VPS37D: variants seen among roughly 807,000 people sequenced by gnomAD.
VPS37D encodes vacuolar protein sorting-associated protein 37D.
VPS37D carries 5 observed loss-of-function variants against 22.0 expected under a neutral mutation model. The ratio of observed to expected loss-of-function variants is 0.23; its 90% CI spans 0.12 to 0.48. VPS37D has a LOEUF of 0.48. VPS37D is among the 20% of genes least tolerant of loss of function. VPS37D has a pLI of 0.99. For synonymous variants in VPS37D, 174 were observed against 159.3 expected (o/e 1.09, Z -0.69); for missense variants, 384 against 345.8 (o/e 1.11, Z -0.88).
rs782471043 is a variant in VPS37D at position 73,668,048 on chromosome 7, G to T, written c.90G>T (p.Leu30=). The part of the protein sequence containing the change: ...GILSTGQLRD[L]LQDEPKLDRI... The stretch of plus-strand genomic sequence containing the variant: ...TCAGCACCGGGCAGCTCCGGGACCT[G>T]CTTCAGGATGAGCCCAAGCTGGACC... The change falls in exon 1 of 4, where the codon CTG becomes CTT. Residue 30 remains leucine, a synonymous_variant. Transcript: ENST00000324941. 1 of 1,170,300 alleles carries T rather than the reference G, an allele frequency of 8.5e-7. No individual in the cohort carries two copies. Among genetic ancestry groups the T allele is most frequent in the Non-Finnish European group, 1.1e-6 (1 of 936,830 alleles). The allele number at this position is 1,170,300 out of a possible 1,614,324, so 72.5% of individuals were successfully genotyped here.
intron 1 of VPS37D, 33 bp downstream of exon 1, chr7:73,668,129 G>A (rs1797424104): frequency 5.6e-6 from 6 of 1,072,014 alleles, no homozygotes; most frequent in Non-Finnish European, 6.8e-6. Context: ...GGGGCGCGGG[G>A]GACGGGCAGC....
At chr7:73,669,955 T>A in intron 2 of VPS37D, 65 bp from the exon 3 acceptor site, 1 of 1,549,792 alleles carries the variant, frequency 6.5e-7, no homozygotes, top group South Asian at 1.2e-5. Context: ...TCACATGGGG[T>A]CAGCGGGAGA....
chr7:73,670,193 C>T (rs1455082255), intron 3 of VPS37D, 91 bp downstream of exon 3: 2 of 1,536,324 alleles, frequency 1.3e-6, no homozygotes, highest in East Asian at 4.9e-5. Flanking sequence ...GGCTGGGGAG[C>T]CCCTCCTCTG....
chr7:73,671,348 C>A lies in VPS37D; in HGVS notation c.728C>A (p.Pro243His). The change falls in exon 4 of 4, where the codon CCC (proline) becomes CAC (histidine). Residue 243 changes from proline (P) to histidine (H), a missense_variant. Physicochemically the swap from Pro to His is moderately conservative, Grantham distance 77. Transcript: ENST00000324941. ...LGPAPLLSPRPSQPEPPHR is the reference protein window; with the variant it reads ...LGPAPLLSPRHSQPEPPHR ...CCGGCCCCCCTGCTGAGCCCTCGGC[C>A]CTCGCAGCCAGAGCCCCCCCACCGG... 7.3e-7 allele frequency: 1 copy of A among 1,378,230 alleles called. No homozygotes were observed. Among genetic ancestry groups the A allele is most frequent in the Non-Finnish European group, 9.4e-7 (1 of 1,068,452 alleles). The allele number at this position is 1,378,230 out of a possible 1,614,324, so 85.4% of individuals were successfully genotyped here. A position where few individuals can be genotyped will look rare whatever the true frequency, so the allele number is the denominator to read the frequency against.
At chr7:73,668,163 G>C in intron 1 of VPS37D, 67 bp downstream of exon 1, 11 of 995,216 alleles carry the variant, frequency 1.1e-5, no homozygotes, top group Non-Finnish European at 1.3e-5. Flanking sequence ...TGCCGCTCGA[G>C]GGAAGGGCCG....
intron 1 of VPS37D, among the ~76,000 whole-genome samples, chr7:73,668,319 C>T (rs1292825857): frequency 6.6e-6 from 1 of 151,682 alleles, no homozygotes; most frequent in Non-Finnish European, 1.5e-5. Flanking sequence ...GCCTGTGCAC[C>T]CCCAGGATGG....
At chr7:73,668,829 G>T (rs989174533) in intron 1 of VPS37D, among the ~76,000 whole-genome samples, 6 of 152,044 alleles carry the variant, frequency 3.9e-5, no homozygotes, top group Non-Finnish European at 5.9e-5. Context: ...GGAAAAGGGG[G>T]TGTGTATTCC....
chr7:73,671,148 G>GCAGAA lies in VPS37D; in HGVS notation c.529_530insAGAAC (p.Arg177GlnfsTer51). On this transcript the variant is annotated frameshift_variant, in exon 4 of 4. Coordinates refer to ENST00000324941, the MANE Select transcript of VPS37D (RefSeq NM_001077621.2). LOFTEE classifies it high-confidence loss of function. ...TGCAGGAGCTGCTGCGGCGTCGGGA[G>GCAGAA]CGTTCTGCCCAGCCGGCCCCCACCT... 6.2e-7 allele frequency: 1 copy of GCAGAA among 1,606,994 alleles called. No individual in the cohort carries two copies. The highest frequency in any genetic ancestry group is 8.5e-7 in the Non-Finnish European group (1 of 1,178,860).
In VPS37D at chr7:73,671,475, T is replaced by TC; in HGVS notation, c.*104dup. The TC allele has an allele frequency of 4.1e-6, 1 of 244,140 alleles. No individual in the cohort carries two copies. The highest frequency in any genetic ancestry group is 6.8e-6 in the Non-Finnish European group (1 of 147,000). The allele number at this position is 244,140 out of a possible 1,614,324, so 15.1% of individuals were successfully genotyped here. A position where few individuals can be genotyped will look rare whatever the true frequency, so the allele number is the denominator to read the frequency against. On this transcript the variant is annotated 3_prime_UTR_variant, in exon 4 of 4. Coordinates refer to ENST00000324941, the MANE Select transcript of VPS37D (RefSeq NM_001077621.2). Reference sequence around the variant, plus strand: ...CTGGGTGGGGGGAGGGGCAGGCCCCTCCCCCTGGCCTCAGGCAGGCCCTGG... The same window carrying TC: ...CTGGGTGGGGGGAGGGGCAGGCCCCTCCCCCCTGGCCTCAGGCAGGCCCTGG...
chr7:73,667,607 C>A (rs2116624834), upstream of VPS37D, among the ~76,000 whole-genome samples: 1 of 152,272 alleles, frequency 6.6e-6, no homozygotes, highest in East Asian at 1.9e-4. Flanking sequence ...GTGGGAGAGT[C>A]CGTGCCTGGG....
At chr7:73,667,196 G>T (rs552703922), upstream of VPS37D, among the ~76,000 whole-genome samples, 1 of 151,692 alleles carries the variant, frequency 6.6e-6, no homozygotes, top group South Asian at 2.1e-4. Context: ...GGATGGTCTC[G>T]ATCTCCTGAC....
In VPS37D at chr7:73,669,599, A is replaced by G; in HGVS notation, c.310+9A>G. On this transcript the variant is annotated intron_variant, in intron 2 of 3. Coordinates refer to ENST00000324941, the MANE Select transcript of VPS37D (RefSeq NM_001077621.2). Reference sequence around the variant, plus strand: ...CAAGCTGCAGCGACTGGGTGAGGGCACGTCTGGGAGAACCCCCTGGGGCTG... The same window carrying G: ...CAAGCTGCAGCGACTGGGTGAGGGCGCGTCTGGGAGAACCCCCTGGGGCTG... 1.3e-5 allele frequency: 20 copies of G among 1,583,100 alleles called. No homozygotes were observed. Among genetic ancestry groups the G allele is most frequent in the Non-Finnish European group, 1.7e-5 (20 of 1,163,750 alleles).
At chr7:73,666,584 A>C (rs567959653), upstream of VPS37D, among the ~76,000 whole-genome samples, 1 of 151,922 alleles carries the variant, frequency 6.6e-6, no homozygotes, top group East Asian at 1.9e-4. Context: ...GCCCACCACC[A>C]CGCCCGGCTA....
At chr7:73,668,160 C>T (rs1797424624) in intron 1 of VPS37D, 64 bp downstream of exon 1, 3 of 998,094 alleles carry the variant, frequency 3.0e-6, no homozygotes, top group South Asian at 4.6e-5. Flanking sequence ...ACCTGCCGCT[C>T]GAGGGAAGGG....
chr7:73,671,107 A>G lies in VPS37D; in HGVS notation c.487A>G (p.Thr163Ala), dbSNP rs782424249. 6.2e-7 allele frequency: 1 copy of G among 1,609,540 alleles called. No individual in the cohort carries two copies. The highest frequency in any genetic ancestry group is 1.3e-5 in the African/African-American group (1 of 74,868). Residue 163 changes from threonine to alanine, a missense_variant, in exon 4 of 4, where the codon ACG (threonine) becomes GCG (alanine). Thr to Ala is a moderately conservative substitution (Grantham distance 58). Coordinates refer to ENST00000324941, the MANE Select transcript of VPS37D (RefSeq NM_001077621.2). ...RGRALAHLRRTQAEKLQELLR... is the reference protein window; with the variant it reads ...RGRALAHLRRAQAEKLQELLR... ...CCGCGCCCTGGCCCACCTGAGGCGG[A>G]CGCAGGCAGAGAAGCTGCAGGAGCT...
Position 73,671,524 on chromosome 7 carries a change from A to G in VPS37D, c.*148A>G, listed in dbSNP as rs1181764668. The G allele has an allele frequency of 3.9e-5, 3 of 75,966 alleles. No individual in the cohort carries two copies. The highest frequency in any genetic ancestry group is 7.9e-4 in the East Asian group (2 of 2,538). 4.7% of individuals were successfully genotyped at this position (75,966 alleles called of 1,614,324 possible). On this transcript the variant is annotated 3_prime_UTR_variant, in exon 4 of 4. Transcript: ENST00000324941. ...GGCCCTGGAGGCTGAGCTGGGGAGG[A>G]GGGTCCCCTGGAAGAGGCCCGAGAG...
rs1159746987 is a variant in VPS37D, at chr7:73,671,656, A to G, written c.*280A>G. The G allele has an allele frequency of 5.6e-6, 1 of 179,616 alleles. No individual in the cohort carries two copies. Among genetic ancestry groups the G allele is most frequent in the Non-Finnish European group, 1.2e-5 (1 of 86,726 alleles). 11.1% of individuals were successfully genotyped at this position (179,616 alleles called of 1,614,324 possible). A position where few individuals can be genotyped will look rare whatever the true frequency, so the allele number is the denominator to read the frequency against. On this transcript the variant is annotated 3_prime_UTR_variant, in exon 4 of 4. Coordinates refer to ENST00000324941, the MANE Select transcript of VPS37D (RefSeq NM_001077621.2). ...TCTAGGGTGATGGACCAGCCCCGTT[A>G]AAGAACTTGACTCAACTACAGGGGC...
Position 73,667,995 on chromosome 7 carries a change from C to T in VPS37D, c.37C>T (p.Pro13Ser). 9.0e-7 allele frequency: 1 copy of T among 1,105,186 alleles called. No individual in the cohort carries two copies. The highest frequency in any genetic ancestry group is 1.1e-6 in the Non-Finnish European group (1 of 903,614). 68.5% of individuals were successfully genotyped at this position (1,105,186 alleles called of 1,614,324 possible). The change falls in exon 1 of 4, where the codon CCC becomes TCC. Residue 13 changes from proline to serine, a missense_variant. Pro to Ser is a moderately conservative substitution (Grantham distance 74, BLOSUM62 -1). Coordinates refer to ENST00000324941, the MANE Select transcript of VPS37D (RefSeq NM_001077621.2). ...CCGGGCGGCGCGGGCGGGGCCGGAG[C>T]CCGGCAGCCCGGGGCGCTTTGGGAT... ...RARAARAGPE[P>S]GSPGRFGILS...
rs1797413723 is a variant in VPS37D at position 73,667,880 on chromosome 7, AGCGGAGCGGAGCGGAGCCGGG to A, written c.-69_-49del. 1.2e-4 allele frequency: 46 copies of A among 387,532 alleles called. No homozygotes were observed. Among genetic ancestry groups the A allele is most frequent in the Non-Finnish European group, 1.5e-4 (44 of 284,084 alleles). The allele number at this position is 387,532 out of a possible 1,614,324, so 24.0% of individuals were successfully genotyped here. A position where few individuals can be genotyped will look rare whatever the true frequency, so the allele number is the denominator to read the frequency against. The stretch of plus-strand genomic sequence containing the variant: ...GGAGCGGATCCTGGAGCCGGAGCGG[AGCGGAGCGGAGCGGAGCCGGG>A]GCGGAGCGGGCCGAGCGGGCCGAGC... On this transcript the variant is annotated 5_prime_UTR_variant, in exon 1 of 4. Coordinates refer to ENST00000324941, the MANE Select transcript of VPS37D (RefSeq NM_001077621.2).
Sources: allele counts gnomAD v4.1 joint callset (sites outside exome capture counted in the v4.1 genomes callset), GRCh38; gene constraint gnomAD v4.1.1; transcripts MANE v1.5; gene names NCBI Gene and HGNC (gene_info 2026-07-23, HGNC 2026-07-21).